The following TECPR2 variants were observed in gnomAD, a reference collection of about 807,000 sequenced individuals.
TECPR2 encodes tectonin beta-propeller repeat-containing protein 2.
TECPR2 carries 65 observed loss-of-function variants against 138.1 expected under a neutral mutation model. The ratio of observed to expected loss-of-function variants is 0.47; its 90% confidence interval spans 0.39 to 0.58. The LOEUF is 0.58. Among genes scored for constraint, TECPR2 ranks in the 20% least tolerant of loss-of-function variants. The pLI is 0.00. For synonymous variants in TECPR2, 746 were observed against 749.8 expected (o/e 0.99, Z 0.08); for missense variants, 1,553 against 1,824.5 (o/e 0.85, Z 2.71).
chr14:102,377,187 G>T (rs540087976), intron 2 of TECPR2, among the ~76,000 whole-genome samples: 2 of 152,256 alleles, frequency 1.3e-5, no homozygotes, highest in South Asian at 4.1e-4. Flanking sequence ...ACAGCGTCTC[G>T]CTCTGTTGTC....
At chr14:102,426,801 A>G (rs1342729665) in intron 6 of TECPR2, among the ~76,000 whole-genome samples, 10 of 152,116 alleles carry the variant, frequency 6.6e-5, no homozygotes, top group South Asian at 6.2e-4. Flanking sequence ...GGAGGTTGCA[A>G]TGAGCCAAGA....
rs573828577 is a variant in TECPR2 at position 102,440,653 on chromosome 14, C to T, written c.2752+44C>T. The T allele has an allele frequency of 7.7e-5, 123 of 1,592,738 alleles. 2 individuals are homozygous for T. In the South Asian group the frequency reaches 1.2e-3, roughly 16 times the overall value. On this transcript the variant is annotated intron_variant, in intron 11 of 19. Transcript: ENST00000359520. Reference sequence around the variant, plus strand: ...TAGAGGCCTGCCAGCTCTGCCGTCACTGCCTCTGCTGCACCCTGCTTTGCT... The same window carrying T: ...TAGAGGCCTGCCAGCTCTGCCGTCATTGCCTCTGCTGCACCCTGCTTTGCT...
chr14:102,407,635 G>A (rs549648454), intron 3 of TECPR2, among the ~76,000 whole-genome samples, 169 bp downstream of exon 3: 18 of 152,122 alleles, frequency 1.2e-4, no homozygotes, highest in South Asian at 2.1e-4. Flanking sequence ...AGGCCAAGGC[G>A]GGCTGATCAC....
intron 1 of TECPR2, among the ~76,000 whole-genome samples, chr14:102,368,429 T>C (rs1887404942): frequency 6.6e-6 from 1 of 152,006 alleles, no homozygotes; most frequent in African/African-American, 2.4e-5. Flanking sequence ...TGGTCTCAAA[T>C]TCCTGGGTTC....
At position 102,424,493 on chromosome 14, in the gene TECPR2, C is replaced by T. The variant is rs150912215; in HGVS notation, c.639-486C>T. ...GGGACTACAGGCATGCGCCACCATGCCTGGCTAATTTTTGTATTTTTAGTA... is the reference window on the plus strand; with the variant it reads ...GGGACTACAGGCATGCGCCACCATGTCTGGCTAATTTTTGTATTTTTAGTA... On this transcript the variant is annotated intron_variant, in intron 5 of 19. Transcript: ENST00000359520. 5.9e-3 allele frequency among the ~76,000 whole-genome samples: 904 copies of T among 152,310 alleles called. 14 individuals carry two copies. Among genetic ancestry groups the T allele is most frequent in the African/African-American group, 0.021 (870 of 41,556 alleles).
intron 7 of TECPR2, among the ~76,000 whole-genome samples, chr14:102,431,491 C>T (rs538114931): frequency 9.6e-4 from 146 of 152,090 alleles, no homozygotes; most frequent in African/African-American, 3.1e-3. Flanking sequence ...CCCCGGCGCC[C>T]GCCACCATGC....
intron 13 of TECPR2, among the ~76,000 whole-genome samples, 181 bp from the exon 14 acceptor site, chr14:102,449,448 G>A (rs1890078838): frequency 6.6e-6 from 1 of 152,218 alleles, no homozygotes; most frequent in Non-Finnish European, 1.5e-5. Flanking sequence ...CAGTTTGATG[G>A]CATCCTGCCA....
chr14:102,382,846 T>TC (rs1398173225), intron 2 of TECPR2, among the ~76,000 whole-genome samples: 5 of 151,910 alleles, frequency 3.3e-5, no homozygotes, highest in South Asian at 2.1e-4. Flanking sequence ...GCAACCTCCG[T>TC]CCCCCGGGTT....
chr14:102,380,476 G>A (rs535416975), intron 2 of TECPR2, among the ~76,000 whole-genome samples: 1 of 152,330 alleles, frequency 6.6e-6, no homozygotes, highest in South Asian at 2.1e-4. Context: ...CAGTCATGGT[G>A]GAAGGCACCT....
chr14:102,379,523 G>C (rs1887735535), intron 2 of TECPR2, among the ~76,000 whole-genome samples: 1 of 147,560 alleles, frequency 6.8e-6, no homozygotes, highest in Non-Finnish European at 1.5e-5. Context: ...ATGCACAGAG[G>C]CGTCCTGGTC....
In TECPR2 at chr14:102,465,989, T is replaced by C. The variant is rs116200705; in HGVS notation, c.3789+700T>C. Among the ~76,000 whole-genome samples the C allele has an allele frequency of 3.4e-3, 511 of 152,272 alleles. 2 individuals carry two copies. The highest frequency in any genetic ancestry group is 0.011 in the African/African-American group (459 of 41,548). ...TGCCAGCCCCCATTTGGTGACTCTG[T>C]TGGGAAACAGGTGAAGTTGCCAATT... On this transcript the variant is annotated intron_variant, in intron 17 of 19. Coordinates refer to ENST00000359520, the MANE Select transcript of TECPR2 (RefSeq NM_014844.5).
Position 102,420,969 on chromosome 14 carries a change from C to G in TECPR2, c.639-4010C>G, listed in dbSNP as rs1297084070. On this transcript the variant is annotated intron_variant, in intron 5 of 19. Coordinates refer to ENST00000359520, the MANE Select transcript of TECPR2 (RefSeq NM_014844.5). The surrounding 1 kb of genome is among the most constrained non-coding windows in gnomAD (Gnocchi z 4.1). Reference sequence around the variant, plus strand: ...CCAGATGCTGATGTGATTGTTCACACAGGTCAGCACAGTGTTATGAGACAG... The same window carrying G: ...CCAGATGCTGATGTGATTGTTCACAGAGGTCAGCACAGTGTTATGAGACAG... Among the ~76,000 whole-genome samples, 1 of 152,198 alleles carries G rather than the reference C, an allele frequency of 6.6e-6. No homozygotes were observed. Among genetic ancestry groups the G allele is most frequent in the Non-Finnish European group, 1.5e-5 (1 of 68,036 alleles).
chr14:102,461,376 A>G (rs1890406285), intron 16 of TECPR2, among the ~76,000 whole-genome samples: 1 of 152,254 alleles, frequency 6.6e-6, no homozygotes, highest in African/African-American at 2.4e-5. Context: ...GGATTGTGTT[A>G]CGCAGTAATT....
chr14:102,449,855 A>T lies in TECPR2; in HGVS notation c.3302A>T (p.Lys1101Met). The part of the protein sequence containing the change: ...SSGKNEFHVA[K>M]GSLIGTYWNH... The stretch of plus-strand genomic sequence containing the variant: ...GGCAAGAATGAATTCCACGTCGCTA[A>T]GGGAAGTCTCATAGGTGGGTGAATT... Residue 1101 changes from lysine to methionine, a missense_variant, in exon 14 of 20, where the codon AAG becomes ATG. Physicochemically the swap from Lys to Met is moderately conservative, Grantham distance 95. Transcript: ENST00000359520. The T allele has an allele frequency of 6.2e-7, 1 of 1,613,698 alleles. No homozygotes were observed. The highest frequency in any genetic ancestry group is 8.5e-7 in the Non-Finnish European group (1 of 1,180,036).
At chr14:102,406,238 A>G (rs962350215) in intron 2 of TECPR2, among the ~76,000 whole-genome samples, 1 of 152,076 alleles carries the variant, frequency 6.6e-6, no homozygotes, top group Non-Finnish European at 1.5e-5. Flanking sequence ...CGTTATGTGT[A>G]TTTTAACATT....
In TECPR2 at chr14:102,428,230, T is replaced by TG. The variant is rs775244342; in HGVS notation, c.952-20_952-19insG. Reference sequence around the variant, plus strand: ...TTAGTTTTGTGTTTTTTGTTTTTTTTTTTTTTTTTTTTTTGACAGGCCACA... The same window carrying TG: ...TTAGTTTTGTGTTTTTTGTTTTTTTTGTTTTTTTTTTTTTTGACAGGCCACA... On this transcript the variant is annotated intron_variant, in intron 6 of 19. Coordinates refer to ENST00000359520, the MANE Select transcript of TECPR2 (RefSeq NM_014844.5). The TG allele has an allele frequency of 1.7e-4, 233 of 1,353,316 alleles. No homozygotes were observed. Among genetic ancestry groups the TG allele is most frequent in the Non-Finnish European group, 1.8e-4 (193 of 1,048,944 alleles). 83.8% of individuals were successfully genotyped at this position (1,353,316 alleles called of 1,614,324 possible).
At chr14:102,492,937 G>A (rs1421059280) in intron 17 of TECPR2, among the ~76,000 whole-genome samples, 1 of 152,232 alleles carries the variant, frequency 6.6e-6, no homozygotes, top group African/African-American at 2.4e-5. Context: ...GAAGTTTTAT[G>A]TTCCAGAGAC....
rs140282668 is a variant in TECPR2 at position 102,465,081 on chromosome 14, A to G, written c.3641-60A>G. 6.9e-4 allele frequency: 1,087 copies of G among 1,577,710 alleles called. 5 individuals are homozygous for G. The African/African-American group carries it at 0.013, about 19-fold the overall frequency. On this transcript the variant is annotated intron_variant, in intron 16 of 19. Transcript: ENST00000359520. ...TAGAAAATCAAAGTTCATAGATTAG[A>G]TGAAAGAATAGTCATTGTACAAAAG...
At chr14:102,382,430 C>T (rs1887861667) in intron 2 of TECPR2, among the ~76,000 whole-genome samples, 1 of 152,164 alleles carries the variant, frequency 6.6e-6, no homozygotes, top group African/African-American at 2.4e-5. Context: ...TAGCTTCACA[C>T]AATACACGAA....
Sources: gnomAD v4.1 joint callset for allele counts (sites outside exome capture counted in the v4.1 genomes callset) on GRCh38, gnomAD v4.1.1 for gene constraint, Gnocchi (gnomAD v3.1) non-coding constraint, MANE v1.5 for transcripts, NCBI Gene and HGNC (gene_info 2026-07-23, HGNC 2026-07-21) for gene names.